ITGAE: variants seen among roughly 807,000 people sequenced by gnomAD.
ITGAE encodes integrin subunit alpha E, also known as integrin alpha-E.
In ITGAE, 99 loss-of-function variants were observed where a neutral mutation model predicts 136.5. The ratio of observed to expected loss-of-function variants is 0.73; its 90% CI spans 0.62 to 0.86. ITGAE has a LOEUF of 0.86. Ranked by LOEUF, ITGAE falls within the 40% of genes least tolerant of loss-of-function variation. The pLI is 0.00. For missense variants in ITGAE, 1,447 were observed against 1,515.3 expected (o/e 0.95, Z 0.75); for synonymous variants, 613 against 591.8 (o/e 1.04, Z -0.52).
chr17:3,737,218 G>A lies in ITGAE; in HGVS notation c.2523-2269C>T, dbSNP rs868013279. ...TGAGGCAGGAGAAGCACTTGAAGCCGGGAGGCGGAGGTTGCAGTGAGCCAA... is the reference window on the plus strand; with the variant it reads ...TGAGGCAGGAGAAGCACTTGAAGCCAGGAGGCGGAGGTTGCAGTGAGCCAA... On this transcript the variant is annotated intron_variant, in intron 20 of 30. Coordinates refer to ENST00000263087, the MANE Select transcript of ITGAE (RefSeq NM_002208.5). 7.2e-5 allele frequency among the ~76,000 whole-genome samples: 11 copies of A among 152,302 alleles called. No homozygotes were observed. In the Middle Eastern group the frequency reaches 0.014, roughly 188 times the overall value.
intron 17 of ITGAE, among the ~76,000 whole-genome samples, chr17:3,746,441 CTTTTTTT>C (rs891117980): frequency 6.8e-6 from 1 of 147,562 alleles, no homozygotes; most frequent in Non-Finnish European, 1.5e-5. Context: ...CTGTTATTTT[CTTTTTTT>C]TTTCTTTTTT....
At position 3,716,810 on chromosome 17, in the gene ITGAE, A is replaced by G. The variant is rs750980598; in HGVS notation, c.3334-12T>C. 7.1e-7 allele frequency: 1 copy of G among 1,412,148 alleles called. No individual in the cohort carries two copies. Among genetic ancestry groups the G allele is most frequent in the East Asian group, 2.3e-5 (1 of 43,940 alleles). The allele number at this position is 1,412,148 out of a possible 1,614,324, so 87.5% of individuals were successfully genotyped here. ...AAGACGACAGTGATCTAGACAAGACAAAGAGATCGCCCAATAAATCAGGTG... is the reference window on the plus strand; with the variant it reads ...AAGACGACAGTGATCTAGACAAGACGAAGAGATCGCCCAATAAATCAGGTG... On this transcript the variant is annotated splice_polypyrimidine_tract_variant and intron_variant, in intron 29 of 30. Transcript: ENST00000263087.
chr17:3,772,432 C>T (rs1320109068), intron 2 of ITGAE, among the ~76,000 whole-genome samples: 1 of 150,628 alleles, frequency 6.6e-6, no homozygotes, highest in African/African-American at 2.4e-5. Context: ...ATGAATTGGC[C>T]CCATCCTTAC....
intron 26 of ITGAE, 41 bp downstream of exon 26, chr17:3,727,878 G>T: frequency 8.3e-7 from 1 of 1,200,520 alleles, no homozygotes; most frequent in Non-Finnish European, 1.2e-6. Context: ...TGTAGTCACT[G>T]TGGAAAGAGG....
chr17:3,770,534 A>G (rs2052395703), intron 2 of ITGAE, among the ~76,000 whole-genome samples: 1 of 152,152 alleles, frequency 6.6e-6, no homozygotes, highest in Non-Finnish European at 1.5e-5. Context: ...TAAGAGAGAC[A>G]ATGTGAGTGA....
chr17:3,763,798 A>G, intron 3 of ITGAE, 71 bp downstream of exon 3: 2 of 1,222,198 alleles, frequency 1.6e-6, no homozygotes, highest in East Asian at 2.3e-5. Context: ...GAATGGTTTG[A>G]GTTTAGATGA....
Position 3,750,399 on chromosome 17 carries a change from G to T in ITGAE, c.1977C>A (p.Gly659=), listed in dbSNP as rs374610199. 25 of 1,614,072 alleles carry T rather than the reference G, an allele frequency of 1.5e-5. No individual in the cohort carries two copies. Among genetic ancestry groups the T allele is most frequent in the Non-Finnish European group, 1.9e-5 (23 of 1,180,040 alleles). The part of the protein sequence containing the change: ...MAGGFDISGD[G]LADITVGTLG... ...GAGTGCCCACGGTGATGTCGGCAAG[G>T]CCGTCGCCACTAATATCAAAGCCAC... is the stretch of plus-strand genomic sequence containing the variant. Residue 659 remains glycine (G), a synonymous_variant, in exon 16 of 31, where the codon GGC becomes GGA. Transcript: ENST00000263087.
chr17:3,749,478 TC>T (rs1341327079), intron 16 of ITGAE, among the ~76,000 whole-genome samples: 16 of 152,034 alleles, frequency 1.1e-4, no homozygotes, highest in African/African-American at 3.9e-4. Flanking sequence ...GGTCTCCATC[TC>T]CTGACCTTGT....
chr17:3,725,698 A>T, intron 26 of ITGAE: 1 of 1,576,058 alleles, frequency 6.3e-7, no homozygotes, highest in Non-Finnish European at 8.6e-7. Context: ...GGCTCTGCAA[A>T]TGACCGGCCT....
chr17:3,734,802 C>G lies in ITGAE; in HGVS notation c.2655+15G>C, dbSNP rs747571840. The G allele has an allele frequency of 6.2e-7, 1 of 1,613,934 alleles. No homozygotes were observed. Among genetic ancestry groups the G allele is most frequent in the Non-Finnish European group, 8.5e-7 (1 of 1,179,866 alleles). The stretch of plus-strand genomic sequence containing the variant: ...GGCGTGAGGGACCTGTTTCCACAGC[C>G]ACCGTCACAGTCACCTTTTGCATCC... On this transcript the variant is annotated intron_variant, in intron 21 of 30. Transcript: ENST00000263087.
chr17:3,792,340 T>C (rs1477095289), intron 1 of ITGAE, among the ~76,000 whole-genome samples: 1 of 152,136 alleles, frequency 6.6e-6, no homozygotes, highest in Non-Finnish European at 1.5e-5. Context: ...CAGGCTGGTA[T>C]TGAACTCCTC....
At chr17:3,785,329 C>T (rs1325128175) in intron 1 of ITGAE, among the ~76,000 whole-genome samples, 1 of 151,644 alleles carries the variant, frequency 6.6e-6, no homozygotes, top group African/African-American at 2.4e-5. Flanking sequence ...ATCAGGCAGG[C>T]ATGCTGACAG....
chr17:3,731,250 T>G, intron 22 of ITGAE, 67 bp from the exon 23 acceptor site: 4 of 1,195,498 alleles, frequency 3.3e-6, no homozygotes, highest in Non-Finnish European at 3.7e-6. Flanking sequence ...GACCGCTAGC[T>G]ACTCGTGGAA....
At chr17:3,728,297 A>G (rs2051262083) in intron 24 of ITGAE, 129 bp from the exon 25 acceptor site, 5 of 715,278 alleles carry the variant, frequency 7.0e-6, no homozygotes, top group South Asian at 4.5e-5. Flanking sequence ...TCAACCTCCC[A>G]GGCTCAAGTG....
intron 16 of ITGAE, 22 bp downstream of exon 16, chr17:3,750,330 A>G (rs1396365821): frequency 1.9e-6 from 3 of 1,613,084 alleles, no homozygotes; most frequent in Non-Finnish European, 2.5e-6. Context: ...CTGGGACCCC[A>G]GAAAGCAGGA....
chr17:3,723,163 GT>G (rs1443757968), intron 28 of ITGAE, 124 bp downstream of exon 28: 9 of 709,464 alleles, frequency 1.3e-5, no homozygotes, highest in Non-Finnish European at 1.7e-5. Context: ...CAGAGGGTTG[GT>G]TTTTTGCACC....
chr17:3,784,118 G>C (rs2052727182), intron 1 of ITGAE, among the ~76,000 whole-genome samples: 1 of 151,958 alleles, frequency 6.6e-6, no homozygotes, highest in African/African-American at 2.4e-5. Context: ...AAATTAGCCG[G>C]GCGTGGTGGC....
chr17:3,742,347 T>A (rs890809000), intron 19 of ITGAE, among the ~76,000 whole-genome samples: 11 of 152,206 alleles, frequency 7.2e-5, no homozygotes, highest in Admixed American at 7.2e-4. Flanking sequence ...TGAATAAAGT[T>A]TGTAAATTAG....
At chr17:3,784,774 T>A (rs541389790) in intron 1 of ITGAE, among the ~76,000 whole-genome samples, 18 of 152,296 alleles carry the variant, frequency 1.2e-4, no homozygotes, top group Non-Finnish European at 5.9e-5. Flanking sequence ...TCAATAAATA[T>A]CAATGAATTG....
Sources: gnomAD v4.1 joint callset for allele counts (sites outside exome capture counted in the v4.1 genomes callset) on GRCh38, gnomAD v4.1.1 for gene constraint, MANE v1.5 for transcripts, NCBI Gene and HGNC (gene_info 2026-07-23, HGNC 2026-07-21) for gene names.